Variants in DNM3 observed in about 807,000 individuals in gnomAD.
DNM3 encodes dynamin-3.
DNM3 carries 47 observed loss-of-function variants against 101.6 expected under a neutral mutation model. The observed-to-expected ratio is 0.46, with a 90% CI of 0.37 to 0.59. DNM3 has a LOEUF of 0.59. DNM3 is among the 20% of genes least tolerant of loss of function. The probability of loss-of-function intolerance (pLI) is 0.00; values close to 1 mark genes in which losing one functional copy is unlikely to be tolerated. For synonymous variants in DNM3, 385 were observed against 387.9 expected (o/e 0.99, Z 0.09); for missense variants, 849 against 1,085.7 (o/e 0.78, Z 3.06).
chr1:171,916,235 T>C (rs2125300177), intron 1 of DNM3, among the ~76,000 whole-genome samples: 1 of 152,310 alleles, frequency 6.6e-6, no homozygotes, highest in South Asian at 2.1e-4. Flanking sequence ...CCTGTGCAAA[T>C]TATCTGACTT....
At chr1:172,110,816 G>T (rs2055413879) in intron 13 of DNM3, among the ~76,000 whole-genome samples, 1 of 152,158 alleles carries the variant, frequency 6.6e-6, no homozygotes, top group Non-Finnish European at 1.5e-5. Flanking sequence ...CAGGTGGATT[G>T]CTTGAGCCCA....
At chr1:172,249,178 T>C (rs1451941353) in intron 14 of DNM3, among the ~76,000 whole-genome samples, 1 of 152,146 alleles carries the variant, frequency 6.6e-6, no homozygotes, top group African/African-American at 2.4e-5. Flanking sequence ...TTCTAGTGCC[T>C]AAGTTATATT....
At chr1:172,401,013 GTCTC>G (rs2070444145) in intron 20 of DNM3, among the ~76,000 whole-genome samples, 1 of 152,132 alleles carries the variant, frequency 6.6e-6, no homozygotes, top group Non-Finnish European at 1.5e-5. Flanking sequence ...TAGTTAACTT[GTCTC>G]TCTCCATCTC....
intron 1 of DNM3, among the ~76,000 whole-genome samples, chr1:171,895,789 T>A (rs1282005687): frequency 1.3e-5 from 2 of 152,174 alleles, no homozygotes; most frequent in Non-Finnish European, 2.9e-5. Context: ...ATTTAAGTCT[T>A]TAATCCATCT....
At chr1:171,883,272 A>G (rs2036446126) in intron 1 of DNM3, among the ~76,000 whole-genome samples, 1 of 151,320 alleles carries the variant, frequency 6.6e-6, no homozygotes, top group Non-Finnish European at 1.5e-5. Flanking sequence ...GATAGTCAGG[A>G]GGCTGAGGTG....
At chr1:171,893,922 A>T (rs1037981043) in intron 1 of DNM3, among the ~76,000 whole-genome samples, 3 of 152,132 alleles carry the variant, frequency 2.0e-5, no homozygotes, top group Admixed American at 6.5e-5. Context: ...TTATATATAT[A>T]TATTTTTTCT....
intron 14 of DNM3, among the ~76,000 whole-genome samples, chr1:172,132,605 G>A (rs115525437): frequency 6.6e-6 from 1 of 151,976 alleles, no homozygotes; most frequent in Non-Finnish European, 1.5e-5. Context: ...TTGTAATAAG[G>A]TATTTCTATT....
At chr1:172,133,099 A>G (rs2057028871) in intron 14 of DNM3, 1 of 1,432,490 alleles carries the variant, frequency 7.0e-7, no homozygotes, top group Admixed American at 2.9e-5. Context: ...CTCAGCATTG[A>G]CATGTTCCTG....
chr1:172,135,030 G>C (rs1425581746), intron 14 of DNM3, among the ~76,000 whole-genome samples: 1 of 152,096 alleles, frequency 6.6e-6, no homozygotes, highest in African/African-American at 2.4e-5. Context: ...TTGGAAGAGG[G>C]CGAAACTGGA....
intron 4 of DNM3, 41 bp downstream of exon 4, chr1:171,989,189 C>T: frequency 6.4e-7 from 1 of 1,574,386 alleles, no homozygotes; most frequent in Non-Finnish European, 8.7e-7. Context: ...ATTAAAGTGT[C>T]AGGAGTTTTG....
chr1:172,013,634 A>T (rs2047264817), intron 4 of DNM3, among the ~76,000 whole-genome samples: 1 of 152,138 alleles, frequency 6.6e-6, no homozygotes, highest in South Asian at 2.1e-4. Flanking sequence ...TGCTTGTGGG[A>T]TCCTGATTGA....
chr1:172,056,978 C>T (rs899929810), intron 10 of DNM3, among the ~76,000 whole-genome samples: 16 of 151,956 alleles, frequency 1.1e-4, no homozygotes, highest in African/African-American at 3.6e-4. Flanking sequence ...ACTAGAATAA[C>T]CAATACAGAG....
At chr1:171,922,123 T>TTGTGTGTGTGTGTGTGTG (rs3051604) in intron 2 of DNM3, among the ~76,000 whole-genome samples, 4 of 135,714 alleles carry the variant, frequency 2.9e-5, no homozygotes, top group African/African-American at 1.1e-4. Flanking sequence ...TTGGTATGCT[T>TTGTGTGTGTGTGTGTGTG]TGTGTGTGTG....
intron 14 of DNM3, among the ~76,000 whole-genome samples, chr1:172,133,774 C>A (rs527323746): frequency 6.6e-6 from 1 of 152,118 alleles, no homozygotes; most frequent in African/African-American, 2.4e-5. Flanking sequence ...GAAGAATATT[C>A]CAGGTAGAGG....
rs956455224 is a variant in DNM3, at chr1:172,234,633, A to G, written c.1660-18940A>G. ...GCATCACGCTACCTGACTTCAAACT[A>G]TATTACAAGGCTACAGTAACCAAAA... On this transcript the variant is annotated intron_variant, in intron 14 of 20. Coordinates refer to ENST00000627582, the MANE Select transcript of DNM3 (RefSeq NM_015569.5). Among the ~76,000 whole-genome samples, 37 of 152,168 alleles carry G rather than the reference A, an allele frequency of 2.4e-4. 1 individual carries two copies. Among genetic ancestry groups the G allele is most frequent in the Admixed American group, 5.2e-4 (8 of 15,280 alleles).
chr1:172,239,788 C>CTTTTT (rs1430459787), intron 14 of DNM3, among the ~76,000 whole-genome samples: 1 of 42,732 alleles, frequency 2.3e-5, no homozygotes, highest in Admixed American at 3.8e-4. Context: ...CCAGCCCTGT[C>CTTTTT]TTTTTTTTTC....
At chr1:171,873,244 G>A (rs1239667005) in intron 1 of DNM3, among the ~76,000 whole-genome samples, 1 of 152,180 alleles carries the variant, frequency 6.6e-6, no homozygotes, top group Non-Finnish European at 1.5e-5. Flanking sequence ...AGTTCCTTTA[G>A]TGGGTTTGAA....
chr1:172,144,698 C>A, intron 14 of DNM3: 1 of 492,072 alleles, frequency 2.0e-6, no homozygotes, highest in Non-Finnish European at 4.2e-6. Flanking sequence ...CCTTCCTGCA[C>A]CAGGGGTTGC....
At chr1:172,090,110 T>C (rs2053807500) in intron 12 of DNM3, among the ~76,000 whole-genome samples, 1 of 152,192 alleles carries the variant, frequency 6.6e-6, no homozygotes, top group African/African-American at 2.4e-5. Context: ...GGGTCTACAA[T>C]AATTTGTTCA....
Sources: gnomAD v4.1 joint callset for allele counts (sites outside exome capture counted in the v4.1 genomes callset) on GRCh38, gnomAD v4.1.1 for gene constraint, MANE v1.5 for transcripts, NCBI Gene and HGNC (gene_info 2026-07-23, HGNC 2026-07-21) for gene names.